The following ARSJ variants were observed in gnomAD, a reference collection of about 807,000 sequenced individuals.
ARSJ encodes the protein arylsulfatase J.
ARSJ carries 26 observed loss-of-function variants against 35.9 expected under a neutral mutation model. The observed-to-expected ratio is 0.72, with a 90% CI of 0.53 to 1.00. The LOEUF (loss-of-function observed/expected upper bound fraction) is 1.00. Among genes scored for constraint, ARSJ ranks in the 50% least tolerant of loss-of-function variants. The pLI is 0.00. For synonymous variants in ARSJ, 294 were observed against 267.6 expected (o/e 1.10, Z -0.96); for missense variants, 667 against 723.6 (o/e 0.92, Z 0.90).
rs796322121 is a variant in ARSJ at position 113,972,325 on chromosome 4, C to A, written c.398+6112G>T. On this transcript the variant is annotated intron_variant, in intron 1 of 1. Transcript: ENST00000315366. ...AAAAAAACAAAAAAAAAAACCCCAC[C>A]ATGATTTTCATCCCTATTTATTTAA... 0.012 allele frequency among the ~76,000 whole-genome samples: 1,759 copies of A among 142,312 alleles called. 120 individuals carry two copies. The East Asian group carries it at 0.16, about 13-fold the overall frequency. The allele number at this position is 142,312 out of a possible 152,430, so 93.4% of individuals were successfully genotyped here. A position where few individuals can be genotyped will look rare whatever the true frequency, so the allele number is the denominator to read the frequency against.
chr4:113,963,050 T>C (rs1726659742), intron 1 of ARSJ, among the ~76,000 whole-genome samples: 1 of 152,032 alleles, frequency 6.6e-6, no homozygotes, highest in African/African-American at 2.4e-5. Flanking sequence ...TTGCCTCCCT[T>C]CTTATCAAGG....
chr4:113,949,743 A>G (rs978571413), intron 1 of ARSJ, among the ~76,000 whole-genome samples: 6 of 152,078 alleles, frequency 3.9e-5, no homozygotes, highest in Admixed American at 6.6e-5. Flanking sequence ...TGGGATAGAT[A>G]TATTAGTGTC....
intron 1 of ARSJ, among the ~76,000 whole-genome samples, chr4:113,949,302 G>A (rs777383910): frequency 5.3e-5 from 8 of 151,956 alleles, no homozygotes; most frequent in Non-Finnish European, 8.8e-5. Context: ...AAACCTGAAC[G>A]TTCTGCACAT....
intron 1 of ARSJ, among the ~76,000 whole-genome samples, chr4:113,942,705 A>C (rs1233287345): frequency 6.6e-6 from 1 of 152,082 alleles, no homozygotes; most frequent in Non-Finnish European, 1.5e-5. Context: ...TACGCACAAC[A>C]AACAGTTCTG....
rs180803030 is a variant in ARSJ, at chr4:113,937,192, C to T, written c.399-33517G>A. On this transcript the variant is annotated intron_variant, in intron 1 of 1. Coordinates refer to ENST00000315366, the MANE Select transcript of ARSJ (RefSeq NM_024590.4). ...ATGCAAGGGCCAGAGATTCTCAGTG[C>T]TCACACATTATTTAGGTTATACTTT... Among the ~76,000 whole-genome samples, 78 of 152,000 alleles carry T rather than the reference C, an allele frequency of 5.1e-4. 1 individual carries two copies. Among genetic ancestry groups the T allele is most frequent in the African/African-American group, 1.6e-3 (65 of 41,522 alleles).
At chr4:113,963,553 G>T (rs1261952632) in intron 1 of ARSJ, among the ~76,000 whole-genome samples, 2 of 152,016 alleles carry the variant, frequency 1.3e-5, no homozygotes, top group South Asian at 2.1e-4. Flanking sequence ...CTGCTGCAGG[G>T]TCCCTCCCAG....
intron 1 of ARSJ, among the ~76,000 whole-genome samples, chr4:113,925,092 C>T (rs555119261): frequency 3.2e-4 from 48 of 152,154 alleles, no homozygotes; most frequent in East Asian, 1.4e-3. Flanking sequence ...TGCATACCTC[C>T]GTTATGGAGT....
chr4:113,931,036 G>T (rs938726085), intron 1 of ARSJ, among the ~76,000 whole-genome samples: 2 of 151,166 alleles, frequency 1.3e-5, no homozygotes, highest in Non-Finnish European at 3.0e-5. Flanking sequence ...GGGGTGGGGG[G>T]AAAGGGGAGG....
At chr4:113,906,261 C>T (rs989117891) in intron 1 of ARSJ, among the ~76,000 whole-genome samples, 2 of 152,010 alleles carry the variant, frequency 1.3e-5, no homozygotes, top group African/African-American at 4.8e-5. Context: ...AATGGTAAAC[C>T]AGTTAAGCAT....
chr4:113,918,073 GAGTAATA>G (rs1329059732), intron 1 of ARSJ, among the ~76,000 whole-genome samples: 1 of 152,158 alleles, frequency 6.6e-6, no homozygotes, highest in African/African-American at 2.4e-5. Context: ...CCTAACCAAT[GAGTAATA>G]AGAATCTCTA....
At chr4:113,965,221 C>A (rs188143171) in intron 1 of ARSJ, among the ~76,000 whole-genome samples, 2 of 152,112 alleles carry the variant, frequency 1.3e-5, no homozygotes, top group Non-Finnish European at 2.9e-5. Context: ...ACAAGAACTT[C>A]TTCCAACTTC....
intron 1 of ARSJ, among the ~76,000 whole-genome samples, chr4:113,951,249 A>C (rs1188550070): frequency 6.6e-6 from 1 of 152,064 alleles, no homozygotes; most frequent in African/African-American, 2.4e-5. Flanking sequence ...TCTTGTCTGG[A>C]ATCTTAACAA....
chr4:113,916,844 T>C (rs984501598), intron 1 of ARSJ, among the ~76,000 whole-genome samples: 1 of 152,138 alleles, frequency 6.6e-6, no homozygotes, highest in African/African-American at 2.4e-5. Flanking sequence ...GGGAGACACA[T>C]GTTACCTTGC....
intron 1 of ARSJ, among the ~76,000 whole-genome samples, chr4:113,936,726 T>C (rs1724790952): frequency 6.6e-6 from 1 of 151,930 alleles, no homozygotes; most frequent in African/African-American, 2.4e-5. Flanking sequence ...GGCACTGTCA[T>C]TAATCATAAA....
chr4:113,955,812 C>A (rs1164887138), intron 1 of ARSJ, among the ~76,000 whole-genome samples: 1 of 152,066 alleles, frequency 6.6e-6, no homozygotes. Context: ...AGAGCTTCTG[C>A]TACCTTGTGG....
chr4:113,944,636 A>G (rs375513382), intron 1 of ARSJ, among the ~76,000 whole-genome samples: 24 of 152,008 alleles, frequency 1.6e-4, no homozygotes, highest in Non-Finnish European at 1.5e-4. Context: ...GGGATTATCA[A>G]CTCTATAGGG....
chr4:113,903,227 G>A lies in ARSJ; in HGVS notation c.847C>T (p.Arg283Ter), dbSNP rs768960135. 6 of 1,614,080 alleles carry A rather than the reference G, an allele frequency of 3.7e-6. No homozygotes were observed. The African/African-American group carries it at 4.0e-5, about 11-fold the overall frequency. The stretch of plus-strand genomic sequence containing the variant: ...CTCCTGTTTATGTTGATAATGGATC[G>A]GTAGTGTTCGAAATACCTGCCAGGA... ...QAPGRYFEHY[R>*]SIININRRRY... Residue 283 changes from arginine (R) to a stop codon, truncating the protein, a stop_gained, in exon 2 of 2, where the codon CGA (arginine) becomes TGA (stop). Coordinates refer to ENST00000315366, the MANE Select transcript of ARSJ (RefSeq NM_024590.4). LOFTEE classifies it high-confidence loss of function.
intron 1 of ARSJ, among the ~76,000 whole-genome samples, chr4:113,977,698 T>G (rs1282953323): frequency 6.6e-6 from 1 of 152,244 alleles, no homozygotes; most frequent in African/African-American, 2.4e-5. Flanking sequence ...ATTTAGCTAC[T>G]TAGCAAAGCA....
chr4:113,953,307 A>G (rs1181892830), intron 1 of ARSJ, among the ~76,000 whole-genome samples: 1 of 152,054 alleles, frequency 6.6e-6, no homozygotes, highest in Non-Finnish European at 1.5e-5. Flanking sequence ...GAGTGGACAC[A>G]TCTTCTCACT....
Sources: allele counts gnomAD v4.1 joint callset (sites outside exome capture counted in the v4.1 genomes callset), GRCh38; gene constraint gnomAD v4.1.1; transcripts MANE v1.5; gene names NCBI Gene and HGNC (gene_info 2026-07-23, HGNC 2026-07-21).